The following BTN1A1 variants were observed in gnomAD, a reference collection of about 807,000 sequenced individuals.
BTN1A1 encodes the protein bK14H9.2 (butyrophilin, subfamily 1, member A1).
BTN1A1 carries 26 observed loss-of-function variants against 33.1 expected under a neutral mutation model. The observed-to-expected ratio is 0.79, with a 90% CI of 0.58 to 1.09. The LOEUF is 1.09. Among genes scored for constraint, BTN1A1 ranks in the 50% least tolerant of loss-of-function variants. The pLI, the probability that BTN1A1 is intolerant of heterozygous loss-of-function variation, is 0.00. For synonymous variants in BTN1A1, 235 were observed against 256.2 expected (o/e 0.92, Z 0.79); for missense variants, 558 against 655.7 (o/e 0.85, Z 1.63).
chr6:26,508,259 A>G lies in BTN1A1; in HGVS notation c.907+172A>G, dbSNP rs142027963. Among the ~76,000 whole-genome samples the G allele has an allele frequency of 2.1e-3, 320 of 152,300 alleles. 1 individual carries two copies. Among genetic ancestry groups the G allele is most frequent in the Non-Finnish European group, 3.6e-3 (242 of 68,018 alleles). On this transcript the variant is annotated intron_variant, in intron 7 of 7. Coordinates refer to ENST00000684113, the MANE Select transcript of BTN1A1 (RefSeq NM_001732.3). ...GTGAGGCACATAGAGAACCCTTGGA[A>G]GATGGCACTTCCGACAGAGTCCCAT...
rs527362598 is a variant in BTN1A1 at position 26,505,496 on chromosome 6, C to T, written c.709+290C>T. ...GAGTGCAGCAGCAGAATGATCTCAG[C>T]TCACTGCAAGCTCCGCTTCCCAGGT... On this transcript the variant is annotated intron_variant, in intron 4 of 7. Coordinates refer to ENST00000684113, the MANE Select transcript of BTN1A1 (RefSeq NM_001732.3). Among the ~76,000 whole-genome samples the T allele has an allele frequency of 2.0e-5, 3 of 152,340 alleles. No individual in the cohort carries two copies. In the East Asian group the frequency reaches 5.8e-4, roughly 29 times the overall value.
chr6:26,505,063 C>T lies in BTN1A1; in HGVS notation c.566C>T (p.Ser189Leu). 2 of 1,614,214 alleles carry T rather than the reference C, an allele frequency of 1.2e-6. No homozygotes were observed. Among genetic ancestry groups the T allele is most frequent in the Middle Eastern group, 1.6e-4 (1 of 6,062 alleles). Residue 189 changes from serine (S) to leucine (L), a missense_variant, in exon 4 of 8, where the codon TCA becomes TTA. Coordinates refer to ENST00000684113, the MANE Select transcript of BTN1A1 (RefSeq NM_001732.3). ...AAGGGAGAGAAGTTTCCATCTACATCAGAGTCCAGGAATCCTGATGAAGAA... is the reference window on the plus strand; with the variant it reads ...AAGGGAGAGAAGTTTCCATCTACATTAGAGTCCAGGAATCCTGATGAAGAA... ...TSKGEKFPST[S>L]ESRNPDEEGL...
At chr6:26,502,206 C>T (rs1763810596) in intron 3 of BTN1A1, among the ~76,000 whole-genome samples, 1 of 152,184 alleles carries the variant, frequency 6.6e-6, no homozygotes, top group Non-Finnish European at 1.5e-5. Flanking sequence ...AGCTGACTGC[C>T]AGGAAACAAA....
rs1443511500 is a variant in BTN1A1 at position 26,508,049 on chromosome 6, CTT to C, written c.881-9_881-8del. On this transcript the variant is annotated splice_polypyrimidine_tract_variant and intron_variant, in intron 6 of 7. Transcript: ENST00000684113. ...ATAACCTGTCAATGACTATCTTTCT[CTT>C]TTGTTGCAGAATGGAAAAAGGCTAC... 1 of 1,612,558 alleles carries C rather than the reference CTT, an allele frequency of 6.2e-7. No homozygotes were observed. The highest frequency in any genetic ancestry group is 1.3e-5 in the African/African-American group (1 of 74,702).
At position 26,509,029 on chromosome 6, in the gene BTN1A1, C is replaced by G; in HGVS notation, c.1436C>G (p.Pro479Arg). 6.2e-7 allele frequency: 1 copy of G among 1,614,188 alleles called. No individual in the cohort carries two copies. Among genetic ancestry groups the G allele is most frequent in the East Asian group, 2.2e-5 (1 of 44,880 alleles). Reference protein sequence around the residue: ...PLTICPIADGPERVTVIANAQ... With the variant: ...PLTICPIADGRERVTVIANAQ... ...ACCATCTGCCCAATTGCTGATGGGC[C>G]TGAGAGGGTCACAGTCATTGCTAAT... Residue 479 changes from proline to arginine, a missense_variant, in exon 8 of 8, where the codon CCT becomes CGT. Transcript: ENST00000684113.
rs1279941363 is a variant in BTN1A1 at position 26,502,747 on chromosome 6, C to A, written c.427+810C>A. Among the ~76,000 whole-genome samples the A allele has an allele frequency of 4.6e-5, 7 of 152,288 alleles. No individual in the cohort carries two copies. In the South Asian group the frequency reaches 8.3e-4, roughly 18 times the overall value. On this transcript the variant is annotated intron_variant, in intron 3 of 7. Coordinates refer to ENST00000684113, the MANE Select transcript of BTN1A1 (RefSeq NM_001732.3). Reference sequence around the variant, plus strand: ...ATGGCTGTGGTGAGCATACCACACACTTTAAGGCTGGCTTATGGATTAGTT... The same window carrying A: ...ATGGCTGTGGTGAGCATACCACACAATTTAAGGCTGGCTTATGGATTAGTT...
At chr6:26,502,556 C>G (rs766198326) in intron 3 of BTN1A1, among the ~76,000 whole-genome samples, 14 of 152,170 alleles carry the variant, frequency 9.2e-5, no homozygotes, top group Non-Finnish European at 1.9e-4. Context: ...AACTTTATTT[C>G]AATTATCTCC....
rs1337104818 is a variant in BTN1A1, at chr6:26,509,950, C to T, written c.*776C>T. On this transcript the variant is annotated 3_prime_UTR_variant, in exon 8 of 8. Transcript: ENST00000684113. ...GTTTCTCCCTTGCCTGGAAGTCATTCCACCCTCAATTTGTTGATCCACAAG... is the reference window on the plus strand; with the variant it reads ...GTTTCTCCCTTGCCTGGAAGTCATTTCACCCTCAATTTGTTGATCCACAAG... 5.9e-5 allele frequency: 9 copies of T among 152,330 alleles called. No homozygotes were observed. The South Asian group carries it at 1.7e-3, about 28-fold the overall frequency. The allele number at this position is 152,330 out of a possible 1,614,324, so 9.4% of individuals were successfully genotyped here. A position where few individuals can be genotyped will look rare whatever the true frequency, so the allele number is the denominator to read the frequency against.
Position 26,504,988 on chromosome 6 carries a change from G to C in BTN1A1, c.491G>C (p.Cys164Ser). 2 of 1,614,182 alleles carry C rather than the reference G, an allele frequency of 1.2e-6. No homozygotes were observed. The highest frequency in any genetic ancestry group is 1.7e-6 in the Non-Finnish European group (2 of 1,180,010). Reference sequence around the variant, plus strand: ...GAGAATGGAGAAATCTGTCTGGAGTGCACCTCAGTGGGATGGTACCCAGAG... The same window carrying C: ...GAGAATGGAGAAATCTGTCTGGAGTCCACCTCAGTGGGATGGTACCCAGAG... ...VQENGEICLE[C>S]TSVGWYPEPQ... is the part of the protein sequence containing the mutation. Residue 164 changes from cysteine to serine, a missense_variant, in exon 4 of 8, where the codon TGC becomes TCC. Cys to Ser is a moderately radical substitution (Grantham distance 112, BLOSUM62 -1). Transcript: ENST00000684113.
chr6:26,506,827 C>G lies in BTN1A1; in HGVS notation c.854C>G (p.Ser285Cys). Residue 285 changes from serine (S) to cysteine (C), a missense_variant, in exon 5 of 8, where the codon TCT (serine) becomes TGT (cysteine). Coordinates refer to ENST00000684113, the MANE Select transcript of BTN1A1 (RefSeq NM_001732.3). The stretch of plus-strand genomic sequence containing the variant: ...AGAGAGAGGAGGAATGAATTCAGCT[C>G]TAAAGGTAAACCATAGAATCCACAA... ...RPRERRNEFS[S>C]KERLLEELKW... 6.2e-7 allele frequency: 1 copy of G among 1,614,078 alleles called. No homozygotes were observed. Among genetic ancestry groups the G allele is most frequent in the Non-Finnish European group, 8.5e-7 (1 of 1,180,014 alleles).
intron 1 of BTN1A1, among the ~76,000 whole-genome samples, chr6:26,500,914 AAAAT>A (rs550589812): frequency 6.6e-5 from 10 of 152,150 alleles, no homozygotes; most frequent in Admixed American, 1.3e-4. Context: ...GACTGTCTCA[AAAAT>A]AAATAAATAA....
chr6:26,502,756 T>G (rs1763819909), intron 3 of BTN1A1, among the ~76,000 whole-genome samples: 1 of 152,236 alleles, frequency 6.6e-6, no homozygotes, highest in Non-Finnish European at 1.5e-5. Flanking sequence ...ACTTTAAGGC[T>G]GGCTTATGGA....
intron 3 of BTN1A1, among the ~76,000 whole-genome samples, chr6:26,504,459 T>C (rs1763844185): frequency 6.6e-6 from 1 of 152,038 alleles, no homozygotes; most frequent in African/African-American, 2.4e-5. Flanking sequence ...TGAAATTCCT[T>C]TTATTGGTAC....
chr6:26,505,242 AC>A, intron 4 of BTN1A1, 36 bp downstream of exon 4: 1 of 1,590,806 alleles, frequency 6.3e-7, no homozygotes, highest in Non-Finnish European at 8.6e-7. Context: ...TCCTATGTTG[AC>A]ACAGCTTCAG....
At position 26,509,965 on chromosome 6, in the gene BTN1A1, T is replaced by C. The variant is rs1275846287; in HGVS notation, c.*791T>C. 1 of 152,368 alleles carries C rather than the reference T, an allele frequency of 6.6e-6. No individual in the cohort carries two copies. Among genetic ancestry groups the C allele is most frequent in the Admixed American group, 6.5e-5 (1 of 15,286 alleles). 9.4% of individuals were successfully genotyped at this position (152,368 alleles called of 1,614,324 possible). ...GGAAGTCATTCCACCCTCAATTTGTTGATCCACAAGTTTCCAGTTGTCCTC... is the reference window on the plus strand; with the variant it reads ...GGAAGTCATTCCACCCTCAATTTGTCGATCCACAAGTTTCCAGTTGTCCTC... On this transcript the variant is annotated 3_prime_UTR_variant, in exon 8 of 8. Coordinates refer to ENST00000684113, the MANE Select transcript of BTN1A1 (RefSeq NM_001732.3).
At position 26,509,122 on chromosome 6, in the gene BTN1A1, A is replaced by G. The variant is rs773705742; in HGVS notation, c.1529A>G (p.Asp510Gly). The G allele has an allele frequency of 6.2e-7, 1 of 1,613,934 alleles. No individual in the cohort carries two copies. The highest frequency in any genetic ancestry group is 8.5e-7 in the Non-Finnish European group (1 of 1,179,936). ...MGEDSAPRDADTLHSKLIPTQ... is the reference protein window; with the variant it reads ...MGEDSAPRDAGTLHSKLIPTQ... The stretch of plus-strand genomic sequence containing the variant: ...GAGGACTCTGCCCCTAGGGATGCAG[A>G]CACTCTCCATTCTAAGCTAATCCCT... Residue 510 changes from aspartate to glycine, a missense_variant, in exon 8 of 8, where the codon GAC becomes GGC. Asp to Gly is a moderately conservative substitution (Grantham distance 94). Coordinates refer to ENST00000684113, the MANE Select transcript of BTN1A1 (RefSeq NM_001732.3).
At chr6:26,502,365 C>G (rs1302483281) in intron 3 of BTN1A1, among the ~76,000 whole-genome samples, 1 of 152,172 alleles carries the variant, frequency 6.6e-6, no homozygotes, top group Non-Finnish European at 1.5e-5. Context: ...GTTATTTGCA[C>G]AGGAGGGCTG....
At chr6:26,507,617 C>T (rs1350657151) in intron 5 of BTN1A1, among the ~76,000 whole-genome samples, 1 of 151,584 alleles carries the variant, frequency 6.6e-6, no homozygotes, top group African/African-American at 2.4e-5. Context: ...CCCATCTACT[C>T]GGGAGGCTGA....
Position 26,501,701 on chromosome 6 carries a change from G to T in BTN1A1, c.191G>T (p.Arg64Leu). 1.9e-6 allele frequency: 3 copies of T among 1,614,026 alleles called. No individual in the cohort carries two copies. The highest frequency in any genetic ancestry group is 2.5e-6 in the Non-Finnish European group (3 of 1,180,016). The change falls in exon 3 of 8, where the codon CGC becomes CTC. Residue 64 changes from arginine (R) to leucine (L), a missense_variant. Coordinates refer to ENST00000684113, the MANE Select transcript of BTN1A1 (RefSeq NM_001732.3). This position sits in a 1 kb window ranked among gnomAD's most constrained non-coding sequence, Gnocchi z 5.2. ...GCGAGCGCCGAGCACTTGGAGCTAC[G>T]CTGGTTCCGAAAGAAGGTTTCGCCG... ...PNASAEHLEL[R>L]WFRKKVSPAV...
Sources: gnomAD v4.1 joint callset for allele counts (sites outside exome capture counted in the v4.1 genomes callset) on GRCh38, gnomAD v4.1.1 for gene constraint, Gnocchi (gnomAD v3.1) non-coding constraint, MANE v1.5 for transcripts, NCBI Gene and HGNC (gene_info 2026-07-23, HGNC 2026-07-21) for gene names.